ZMAT4: variants seen among roughly 807,000 people sequenced by gnomAD.
The protein encoded by ZMAT4 is zinc finger matrin-type 4.
Under a neutral mutation model 28.7 loss-of-function variants are expected in ZMAT4, and 17 were observed. The ratio of observed to expected loss-of-function variants is 0.59; its 90% CI spans 0.41 to 0.89. The LOEUF (loss-of-function observed/expected upper bound fraction) is 0.89, where lower values mean the gene tolerates loss of function less well. Among genes scored for constraint, ZMAT4 ranks in the 40% least tolerant of loss-of-function variants. The pLI is 0.00. For synonymous variants in ZMAT4, 117 were observed against 109.2 expected (o/e 1.07, Z -0.44); for missense variants, 240 against 283.8 (o/e 0.85, Z 1.11).
chr8:40,762,525 G>A (rs1283648349), intron 3 of ZMAT4, among the ~76,000 whole-genome samples: 1 of 151,994 alleles, frequency 6.6e-6, no homozygotes, highest in Non-Finnish European at 1.5e-5. Context: ...GTATGGTGGT[G>A]CATGCCTGCA....
At chr8:40,672,516 C>T (rs1259803975) in intron 5 of ZMAT4, among the ~76,000 whole-genome samples, 4 of 152,116 alleles carry the variant, frequency 2.6e-5, no homozygotes, top group Non-Finnish European at 4.4e-5. Context: ...ATTGAGTTAT[C>T]GAGTCAAAGC....
intron 5 of ZMAT4, among the ~76,000 whole-genome samples, chr8:40,635,843 T>C (rs2118742849): frequency 6.6e-6 from 1 of 152,352 alleles, no homozygotes; most frequent in East Asian, 1.9e-4. Context: ...GGATGTGATC[T>C]GAAAGGCAAC....
chr8:40,690,584 C>T (rs551213465), intron 4 of ZMAT4, among the ~76,000 whole-genome samples: 21 of 152,182 alleles, frequency 1.4e-4, no homozygotes, highest in African/African-American at 5.1e-4. Flanking sequence ...AACCAAATAA[C>T]CTGATTCAGA....
chr8:40,680,889 C>T (rs1424210251), intron 4 of ZMAT4, among the ~76,000 whole-genome samples: 1 of 152,090 alleles, frequency 6.6e-6, no homozygotes. Context: ...AATTCATTCT[C>T]ACAAGGGATG....
intron 5 of ZMAT4, among the ~76,000 whole-genome samples, chr8:40,650,545 A>G (rs1212282869): frequency 1.5e-5 from 2 of 134,590 alleles, no homozygotes; most frequent in Admixed American, 7.7e-5. Context: ...CAATCAATAG[A>G]AAAAGAGGGA....
intron 4 of ZMAT4, 129 bp from the exon 5 acceptor site, chr8:40,675,060 C>T: frequency 1.6e-6 from 1 of 607,776 alleles, no homozygotes; most frequent in Non-Finnish European, 2.7e-6. Flanking sequence ...AGTTCATTGA[C>T]AGCAGGAAAA....
chr8:40,680,260 C>A (rs912292951), intron 4 of ZMAT4, among the ~76,000 whole-genome samples: 3 of 152,144 alleles, frequency 2.0e-5, no homozygotes, highest in African/African-American at 7.2e-5. Context: ...GGCATCCAAA[C>A]CCTAACTCCA....
intron 3 of ZMAT4, among the ~76,000 whole-genome samples, chr8:40,724,725 G>A (rs1811251667): frequency 6.6e-6 from 1 of 152,186 alleles, no homozygotes; most frequent in Admixed American, 6.5e-5. Flanking sequence ...CACAGAGGAA[G>A]AAGCATTTGA....
intron 1 of ZMAT4, among the ~76,000 whole-genome samples, chr8:40,827,708 G>T (rs16890007): frequency 0.018 from 2,783 of 152,284 alleles, 237 homozygotes; most frequent in Admixed American, 0.15. Flanking sequence ...GTTGATATGG[G>T]CCTGTTATTT....
At chr8:40,617,416 C>A (rs1487028768) in intron 5 of ZMAT4, among the ~76,000 whole-genome samples, 2 of 152,170 alleles carry the variant, frequency 1.3e-5, no homozygotes, top group African/African-American at 4.8e-5. Flanking sequence ...TGAACACTAG[C>A]AATTTCCAAC....
chr8:40,852,725 C>T (rs1817156317), intron 1 of ZMAT4, among the ~76,000 whole-genome samples: 1 of 152,286 alleles, frequency 6.6e-6, no homozygotes, highest in Non-Finnish European at 1.5e-5. Context: ...CCTTTACCCA[C>T]CCATGATTTT....
intron 6 of ZMAT4, among the ~76,000 whole-genome samples, chr8:40,564,842 T>C (rs1446610586): frequency 6.6e-6 from 1 of 152,198 alleles, no homozygotes; most frequent in East Asian, 1.9e-4. Context: ...CAGGATGAGA[T>C]ATTTTAATCA....
At chr8:40,794,726 C>T (rs556600217) in intron 2 of ZMAT4, among the ~76,000 whole-genome samples, 1 of 152,252 alleles carries the variant, frequency 6.6e-6, no homozygotes, top group South Asian at 2.1e-4. Flanking sequence ...CACAGGTATT[C>T]CCAGGTCAGG....
At chr8:40,744,200 A>T (rs1164251762) in intron 3 of ZMAT4, among the ~76,000 whole-genome samples, 2 of 152,078 alleles carry the variant, frequency 1.3e-5, no homozygotes, top group Non-Finnish European at 2.9e-5. Context: ...TCCTCCTGGG[A>T]AGCAGAAGAG....
At chr8:40,548,312 G>A (rs1231655784) in intron 6 of ZMAT4, among the ~76,000 whole-genome samples, 3 of 151,850 alleles carry the variant, frequency 2.0e-5, no homozygotes, top group Admixed American at 6.6e-5. Context: ...AGAGAAGGAG[G>A]AGGAAGAAGA....
At chr8:40,565,243 G>A (rs939587272) in intron 6 of ZMAT4, among the ~76,000 whole-genome samples, 1 of 152,028 alleles carries the variant, frequency 6.6e-6, no homozygotes, top group African/African-American at 2.4e-5. Context: ...AAGTGATGAG[G>A]GCTTTTCAGA....
At chr8:40,677,295 ATT>A (rs11311291) in intron 4 of ZMAT4, among the ~76,000 whole-genome samples, 52,200 of 144,142 alleles carry the variant, frequency 0.36, 9,394 homozygotes, top group Middle Eastern at 0.44. Flanking sequence ...AGTTTAAAGG[ATT>A]TTTTTTTTTT....
At chr8:40,668,000 G>A (rs571957566) in intron 5 of ZMAT4, among the ~76,000 whole-genome samples, 2 of 152,222 alleles carry the variant, frequency 1.3e-5, no homozygotes, top group East Asian at 1.9e-4. Flanking sequence ...TATAGGAAAG[G>A]CATACCTAAT....
At chr8:40,723,329 G>A (rs1811183417) in intron 3 of ZMAT4, among the ~76,000 whole-genome samples, 1 of 152,116 alleles carries the variant, frequency 6.6e-6, no homozygotes, top group South Asian at 2.1e-4. Context: ...GATCACCTGA[G>A]GTCAGGAGTT....
Sources: allele counts gnomAD v4.1 joint callset (sites outside exome capture counted in the v4.1 genomes callset), GRCh38; gene constraint gnomAD v4.1.1; transcripts MANE v1.5; gene names NCBI Gene and HGNC (gene_info 2026-07-23, HGNC 2026-07-21).